The following RMND1 variants were observed in gnomAD, a reference collection of about 807,000 sequenced individuals.
RMND1 encodes required for meiotic nuclear division protein 1 homolog.
In RMND1, 41 loss-of-function variants were observed where a neutral mutation model predicts 54.0. That is an observed-to-expected ratio of 0.76 (90% CI 0.59 to 0.98). The LOEUF (loss-of-function observed/expected upper bound fraction) is 0.98. Among genes scored for constraint, RMND1 ranks in the 50% least tolerant of loss-of-function variants. The pLI, the probability that RMND1 is intolerant of heterozygous loss-of-function variation, is 0.00. For missense variants in RMND1, 457 were observed against 532.0 expected, an observed-to-expected ratio of 0.86 and a Z score of 1.39; for synonymous variants, 183 against 181.7, an observed-to-expected ratio of 1.01 and a Z score of -0.06.
chr6:151,434,881 C>T (rs1780554194), intron 3 of RMND1, among the ~76,000 whole-genome samples: 1 of 152,184 alleles, frequency 6.6e-6, no homozygotes, highest in Non-Finnish European at 1.5e-5. Flanking sequence ...CAGAGTCTCG[C>T]TCTGTCACCC....
chr6:151,409,250 C>T (rs112231423), intron 10 of RMND1, among the ~76,000 whole-genome samples: 12 of 150,398 alleles, frequency 8.0e-5, no homozygotes, highest in African/African-American at 2.9e-4. Flanking sequence ...TGGTATTCCC[C>T]TGTTTCACCA....
chr6:151,407,526 C>G (rs1779667479), intron 10 of RMND1, among the ~76,000 whole-genome samples: 1 of 152,164 alleles, frequency 6.6e-6, no homozygotes, highest in African/African-American at 2.4e-5. Context: ...CACAACTCTC[C>G]TAAACGTCCC....
chr6:151,439,431 G>A (rs757323561), intron 2 of RMND1, among the ~76,000 whole-genome samples: 1 of 152,182 alleles, frequency 6.6e-6, no homozygotes, highest in Admixed American at 6.5e-5. Flanking sequence ...AGACAGAGCT[G>A]AGTCCATTAT....
intron 6 of RMND1, among the ~76,000 whole-genome samples, chr6:151,425,590 G>C (rs1780273126): frequency 6.6e-6 from 1 of 152,152 alleles, no homozygotes; most frequent in South Asian, 2.1e-4. Flanking sequence ...TGTATCTGCA[G>C]GCCAAGGGCT....
In RMND1 at chr6:151,445,575, C is replaced by T; in HGVS notation, c.237G>A (p.Met79Ile). The T allele has an allele frequency of 6.2e-7, 1 of 1,614,192 alleles. No individual in the cohort carries two copies. Among genetic ancestry groups the T allele is most frequent in the Non-Finnish European group, 8.5e-7 (1 of 1,180,020 alleles). The change falls in exon 2 of 12, where the codon ATG (methionine) becomes ATA (isoleucine). Residue 79 changes from methionine (M) to isoleucine (I), a missense_variant. Physicochemically the swap from Met to Ile is conservative, Grantham distance 10 (BLOSUM62 1). Transcript: ENST00000444024. ...EMNQKKSDTS[M>I]LSPLNAARCQ... The stretch of plus-strand genomic sequence containing the variant: ...AACGAGCAGCATTTAATGGAGACAG[C>T]ATGCTGGTATCTGACTTTTTTTGGT...
At chr6:151,428,968 T>C (rs1287939003) in intron 5 of RMND1, among the ~76,000 whole-genome samples, 1 of 152,220 alleles carries the variant, frequency 6.6e-6, no homozygotes, top group Non-Finnish European at 1.5e-5. Context: ...AGCCAACTTG[T>C]ATTTTCTTAA....
chr6:151,448,755 G>A (rs1467135710), intron 1 of RMND1, among the ~76,000 whole-genome samples: 3 of 152,118 alleles, frequency 2.0e-5, no homozygotes, highest in African/African-American at 7.2e-5. Context: ...GAATCTCAAC[G>A]CGAAATCTAG....
At chr6:151,430,339 A>G (rs980345621) in intron 4 of RMND1, 162 bp from the exon 5 acceptor site, 1 of 517,558 alleles carries the variant, frequency 1.9e-6, no homozygotes, top group African/African-American at 1.9e-5. Flanking sequence ...TGAACTTCCT[A>G]CAATAAGAGC....
intron 1 of RMND1, among the ~76,000 whole-genome samples, chr6:151,447,368 C>A (rs993595365): frequency 3.3e-5 from 5 of 152,162 alleles, no homozygotes; most frequent in Non-Finnish European, 7.4e-5. Context: ...ACAAGACAGA[C>A]TCTGACATCA....
At chr6:151,435,297 C>A (rs1780571876) in intron 3 of RMND1, among the ~76,000 whole-genome samples, 1 of 151,890 alleles carries the variant, frequency 6.6e-6, no homozygotes, top group Non-Finnish European at 1.5e-5. Context: ...AGGCTCGTGC[C>A]ACCATACCTG....
At chr6:151,428,398 G>A (rs548951783) in intron 5 of RMND1, among the ~76,000 whole-genome samples, 1 of 152,266 alleles carries the variant, frequency 6.6e-6, no homozygotes, top group East Asian at 1.9e-4. Flanking sequence ...ACCAACCTAG[G>A]TGTGTCCTCC....
At chr6:151,439,397 C>T (rs1780706011) in intron 2 of RMND1, among the ~76,000 whole-genome samples, 1 of 152,198 alleles carries the variant, frequency 6.6e-6, no homozygotes, top group Non-Finnish European at 1.5e-5. Context: ...CATGAGAGTG[C>T]TTCTCTGCAC....
At chr6:151,412,448 T>C (rs9383570) in intron 10 of RMND1, among the ~76,000 whole-genome samples, 50,154 of 152,042 alleles carry the variant, frequency 0.33, 9,641 homozygotes, top group African/African-American at 0.54. Flanking sequence ...TGAGCCACTG[T>C]GCCTGGCCCT....
intron 10 of RMND1, 133 bp downstream of exon 10, chr6:151,417,146 G>C (rs907650519): frequency 5.7e-5 from 56 of 982,064 alleles, no homozygotes; most frequent in Middle Eastern, 4.6e-4. Flanking sequence ...TGACTGTACA[G>C]AGGACAAGAA....
At chr6:151,431,837 GTGT>G (rs549036886) in intron 4 of RMND1, among the ~76,000 whole-genome samples, 62 of 151,994 alleles carry the variant, frequency 4.1e-4, no homozygotes, top group Non-Finnish European at 5.4e-4. Context: ...AAACATATTT[GTGT>G]TGTTCAAAAT....
intron 10 of RMND1, 75 bp from the exon 11 acceptor site, chr6:151,405,911 T>G: frequency 1.4e-6 from 1 of 717,876 alleles, no homozygotes; most frequent in Non-Finnish European, 2.4e-6. Flanking sequence ...TCTATAGCTA[T>G]ACAGTGAAAA....
Position 151,436,519 on chromosome 6 carries a change from A to C in RMND1, c.540T>G (p.Asp180Glu). Reference sequence around the variant, plus strand: ...GAGACAGATTTCCCAGATGATACTCATCTGCCGTTGCAAATGCTGTGCAGT... The same window carrying C: ...GAGACAGATTTCCCAGATGATACTCCTCTGCCGTTGCAAATGCTGTGCAGT... ...LMHCTAFATA[D>E]EYHLGNLSQD... The change falls in exon 3 of 12, where the codon GAT becomes GAG. Residue 180 changes from aspartate (D) to glutamate (E), a missense_variant. Asp to Glu is a conservative substitution (Grantham distance 45, BLOSUM62 2). Coordinates refer to ENST00000444024, the MANE Select transcript of RMND1 (RefSeq NM_017909.4). 1 of 1,614,050 alleles carries C rather than the reference A, an allele frequency of 6.2e-7. No homozygotes were observed. Among genetic ancestry groups the C allele is most frequent in the Non-Finnish European group, 8.5e-7 (1 of 1,179,914 alleles).
intron 2 of RMND1, among the ~76,000 whole-genome samples, chr6:151,438,311 A>G (rs1780671076): frequency 1.3e-5 from 2 of 152,250 alleles, no homozygotes; most frequent in African/African-American, 2.4e-5. Context: ...CAAGCTTGCT[A>G]GGTGAAATCA....
At position 151,445,226 on chromosome 6, in the gene RMND1, G is replaced by A. The variant is rs190067499; in HGVS notation, c.504+82C>T. The stretch of plus-strand genomic sequence containing the variant: ...TGACTGCTAGTTCTCTTACGTTGGC[G>A]GTAAGGCTGGGGTGCAACGCACACT... On this transcript the variant is annotated intron_variant, in intron 2 of 11. Transcript: ENST00000444024. The A allele has an allele frequency of 1.9e-4, 266 of 1,426,772 alleles. No homozygotes were observed. The East Asian group carries it at 4.9e-3, about 26-fold the overall frequency. 88.4% of individuals were successfully genotyped at this position (1,426,772 alleles called of 1,614,324 possible). A position where few individuals can be genotyped will look rare whatever the true frequency, so the allele number is the denominator to read the frequency against.
Sources: allele counts gnomAD v4.1 joint callset (sites outside exome capture counted in the v4.1 genomes callset), GRCh38; gene constraint gnomAD v4.1.1; transcripts MANE v1.5; gene names NCBI Gene and HGNC (gene_info 2026-07-23, HGNC 2026-07-21).